The following POU2F1 variants were observed in gnomAD, a reference collection of about 807,000 sequenced individuals.
The protein encoded by POU2F1 is POU class 2 homeobox 1.
A neutral mutation model predicts 84.9 loss-of-function variants in POU2F1; 16 were observed. The ratio of observed to expected loss-of-function variants is 0.19; its 90% CI spans 0.13 to 0.29. The LOEUF (loss-of-function observed/expected upper bound fraction) is 0.29, where lower values mean the gene tolerates loss of function less well. POU2F1 is among the 10% of genes least tolerant of loss of function. The pLI, the probability that POU2F1 is intolerant of heterozygous loss-of-function variation, is 1.00. For synonymous variants in POU2F1, 368 were observed against 368.3 expected (o/e 1.00, Z 0.01); for missense variants, 738 against 942.6 (o/e 0.78, Z 2.84).
chr1:167,267,726 C>T (rs1478081468), intron 1 of POU2F1, among the ~76,000 whole-genome samples: 1 of 142,188 alleles, frequency 7.0e-6, no homozygotes, highest in East Asian at 2.1e-4. Flanking sequence ...ACTGCAAGCT[C>T]CGCCTCCCAG....
At chr1:167,399,050 C>T in intron 11 of POU2F1, 136 bp from the exon 12 acceptor site, 1 of 680,040 alleles carries the variant, frequency 1.5e-6, no homozygotes, top group Non-Finnish European at 2.3e-6. Flanking sequence ...TCTACACAAT[C>T]TCTTTGTTGA....
At chr1:167,240,091 C>T (rs1649789221) in intron 1 of POU2F1, among the ~76,000 whole-genome samples, 1 of 151,864 alleles carries the variant, frequency 6.6e-6, no homozygotes, top group African/African-American at 2.4e-5. Context: ...AAAGACTCTA[C>T]AAATAAAATT....
chr1:167,346,294 T>A (rs1268144115), intron 2 of POU2F1, among the ~76,000 whole-genome samples: 3 of 152,202 alleles, frequency 2.0e-5, no homozygotes, highest in Admixed American at 6.5e-5. Flanking sequence ...TCACTGATAA[T>A]GCATTCATCT....
intron 5 of POU2F1, among the ~76,000 whole-genome samples, chr1:167,372,539 C>T (rs1275439180): frequency 6.6e-6 from 1 of 152,212 alleles, no homozygotes; most frequent in Non-Finnish European, 1.5e-5. Context: ...TTTCCCTCTA[C>T]CTGTTTTCCT....
intron 1 of POU2F1, among the ~76,000 whole-genome samples, chr1:167,242,161 A>G (rs1368790347): frequency 6.6e-6 from 1 of 152,164 alleles, no homozygotes; most frequent in African/African-American, 2.4e-5. Context: ...CACTTTTATT[A>G]AGTAATTGTG....
chr1:167,251,754 A>G (rs1007739638), intron 1 of POU2F1, among the ~76,000 whole-genome samples: 1 of 152,080 alleles, frequency 6.6e-6, no homozygotes, highest in Non-Finnish European at 1.5e-5. Flanking sequence ...TGAAAACACC[A>G]TATCACTTTT....
At chr1:167,238,663 A>G (rs1009595254) in intron 1 of POU2F1, among the ~76,000 whole-genome samples, 5 of 152,222 alleles carry the variant, frequency 3.3e-5, no homozygotes, top group African/African-American at 1.2e-4. Flanking sequence ...AAAAAGGGAA[A>G]AGATTTTGGA....
At chr1:167,278,642 A>C (rs1261556435) in intron 1 of POU2F1, among the ~76,000 whole-genome samples, 5 of 152,196 alleles carry the variant, frequency 3.3e-5, no homozygotes, top group African/African-American at 1.2e-4. Context: ...GTGGAATTGA[A>C]TCTGTTCAGA....
chr1:167,244,378 A>G (rs147693529), intron 1 of POU2F1, among the ~76,000 whole-genome samples: 255 of 152,292 alleles, frequency 1.7e-3, no homozygotes, highest in Middle Eastern at 0.01. Flanking sequence ...TGGTGGTCGA[A>G]CCGAGGACCC....
At chr1:167,227,584 T>G (rs1648733700) in intron 1 of POU2F1, among the ~76,000 whole-genome samples, 1 of 152,176 alleles carries the variant, frequency 6.6e-6, no homozygotes, top group Non-Finnish European at 1.5e-5. Context: ...AATACAGCCT[T>G]TTTTGGCTGA....
chr1:167,318,162 A>G lies in POU2F1; in HGVS notation c.62-14308A>G, dbSNP rs572086822. On this transcript the variant is annotated intron_variant, in intron 1 of 15. Coordinates refer to ENST00000367866, the MANE Select transcript of POU2F1 (RefSeq NM_002697.4). ...ACAAGTTTGTAGAGTGTCCTTCTAG[A>G]TGCTTTTTTATTCTTTCCCAAATTT... Among the ~76,000 whole-genome samples, 10 of 152,276 alleles carry G rather than the reference A, an allele frequency of 6.6e-5. No homozygotes were observed. The East Asian group carries it at 1.3e-3, about 21-fold the overall frequency.
At chr1:167,338,782 G>A (rs987805624) in intron 2 of POU2F1, among the ~76,000 whole-genome samples, 2 of 152,238 alleles carry the variant, frequency 1.3e-5, no homozygotes, top group Admixed American at 1.3e-4. Context: ...TCCATTGTAT[G>A]TATATACTAC....
intron 1 of POU2F1, 66 bp from the exon 2 acceptor site, chr1:167,332,404 T>C (rs1417221685): frequency 1.6e-6 from 2 of 1,222,224 alleles, no homozygotes; most frequent in Non-Finnish European, 2.4e-6. Context: ...GCCACAGTTT[T>C]GCCTCCTCAA....
intron 1 of POU2F1, among the ~76,000 whole-genome samples, chr1:167,316,879 A>G (rs1438156391): frequency 2.0e-5 from 3 of 152,170 alleles, no homozygotes; most frequent in African/African-American, 4.8e-5. Context: ...TTGTTGAAAT[A>G]GGATAACTCT....
At chr1:167,404,034 C>T (rs984318519) in intron 13 of POU2F1, among the ~76,000 whole-genome samples, 1 of 151,896 alleles carries the variant, frequency 6.6e-6, no homozygotes, top group African/African-American at 2.4e-5. Flanking sequence ...TCTCTGTAAA[C>T]CTTAAGGGTT....
rs572837334 is a variant in POU2F1, at chr1:167,289,936, G to GA, written c.62-42529dup. On this transcript the variant is annotated intron_variant, in intron 1 of 15. Coordinates refer to ENST00000367866, the MANE Select transcript of POU2F1 (RefSeq NM_002697.4). ...TTTACATAGGGAGACAAAATATAATGAAAAATAATTATAGTAACTTGGAAG... is the reference window on the plus strand; with the variant it reads ...TTTACATAGGGAGACAAAATATAATGAAAAAATAATTATAGTAACTTGGAAG... 6.6e-5 allele frequency among the ~76,000 whole-genome samples: 10 copies of GA among 152,192 alleles called. No individual in the cohort carries two copies. The South Asian group carries it at 2.1e-3, about 32-fold the overall frequency.
At chr1:167,332,078 G>T (rs902768136) in intron 1 of POU2F1, among the ~76,000 whole-genome samples, 13 of 151,986 alleles carry the variant, frequency 8.6e-5, no homozygotes, top group African/African-American at 3.1e-4. Context: ...TATAGAAAAA[G>T]ATACTTTATT....
In POU2F1 at chr1:167,420,554, C is replaced by T. The variant is rs965153678; in HGVS notation, c.*4744C>T. 2 of 152,172 alleles carry T rather than the reference C, an allele frequency of 1.3e-5. No individual in the cohort carries two copies. The highest frequency in any genetic ancestry group is 2.9e-5 in the Non-Finnish European group (2 of 68,054). The allele number at this position is 152,172 out of a possible 1,614,324, so 9.4% of individuals were successfully genotyped here. ...GCTTATAGAACTCTCTGTTCTTAGTCTAAAGCTGTTCCCAAACCAGGTCAT... is the reference window on the plus strand; with the variant it reads ...GCTTATAGAACTCTCTGTTCTTAGTTTAAAGCTGTTCCCAAACCAGGTCAT... On this transcript the variant is annotated 3_prime_UTR_variant, in exon 16 of 16. Transcript: ENST00000367866.
chr1:167,302,813 CAAGTAT>C (rs1345312758), intron 1 of POU2F1, among the ~76,000 whole-genome samples: 1 of 152,024 alleles, frequency 6.6e-6, no homozygotes, highest in East Asian at 1.9e-4. Context: ...TATAATAGTA[CAAGTAT>C]ATGTTAAATA....
Sources: allele counts gnomAD v4.1 joint callset (sites outside exome capture counted in the v4.1 genomes callset), GRCh38; gene constraint gnomAD v4.1.1; transcripts MANE v1.5; gene names NCBI Gene and HGNC (gene_info 2026-07-23, HGNC 2026-07-21).